ORC5: variants seen among roughly 807,000 people sequenced by gnomAD.
ORC5 encodes the protein origin recognition complex subunit 5, also known as protein phosphatase 1, regulatory subunit 117.
In ORC5, 39 loss-of-function variants were observed where a neutral mutation model predicts 58.8. That is an observed-to-expected ratio of 0.66 (90% CI 0.51 to 0.87). The LOEUF (loss-of-function observed/expected upper bound fraction) is 0.87, where lower values mean the gene tolerates loss of function less well. Among genes scored for constraint, ORC5 ranks in the 40% least tolerant of loss-of-function variants. ORC5 has a pLI of 0.00. For missense variants in ORC5, 493 were observed against 506.3 expected, an observed-to-expected ratio of 0.97 and a Z score of 0.25; for synonymous variants, 218 against 177.6, an observed-to-expected ratio of 1.23 and a Z score of -1.81.
rs192741001 is a variant in ORC5, at chr7:104,182,035, A to G, written c.824+1908T>C. ...CTGTTATTAGTTTGCAGTTTTATGCATTGTATTTGAGTTTTAATCAACCTG... is the reference window on the plus strand; with the variant it reads ...CTGTTATTAGTTTGCAGTTTTATGCGTTGTATTTGAGTTTTAATCAACCTG... On this transcript the variant is annotated intron_variant, in intron 8 of 13. Transcript: ENST00000297431. 8.7e-4 allele frequency among the ~76,000 whole-genome samples: 132 copies of G among 152,288 alleles called. 1 individual carries two copies. The highest frequency in any genetic ancestry group is 1.7e-3 in the Non-Finnish European group (117 of 68,008).
At chr7:104,203,638 T>G (rs989239326) in intron 2 of ORC5, among the ~76,000 whole-genome samples, 2 of 152,224 alleles carry the variant, frequency 1.3e-5, no homozygotes, top group Admixed American at 6.5e-5. Flanking sequence ...AAAAGGAACA[T>G]GAGTCTGCCA....
chr7:104,152,198 G>C (rs1798857417), intron 12 of ORC5, among the ~76,000 whole-genome samples: 1 of 152,042 alleles, frequency 6.6e-6, no homozygotes. Flanking sequence ...ACCCAGGCTG[G>C]AGTGCAGTGG....
At chr7:104,183,663 G>A (rs759977371) in intron 8 of ORC5, among the ~76,000 whole-genome samples, 1 of 152,240 alleles carries the variant, frequency 6.6e-6, no homozygotes, top group South Asian at 2.1e-4. Context: ...TCCCTGTCCA[G>A]CTCTGAACTG....
chr7:104,180,318 T>C lies in ORC5; in HGVS notation c.824+3625A>G, dbSNP rs1337282069. 2.1e-5 allele frequency among the ~76,000 whole-genome samples: 3 copies of C among 140,714 alleles called. 1 individual carries two copies. The East Asian group carries it at 6.0e-4, about 28-fold the overall frequency. The allele number at this position is 140,714 out of a possible 152,430, so 92.3% of individuals were successfully genotyped here. On this transcript the variant is annotated intron_variant, in intron 8 of 13. Coordinates refer to ENST00000297431, the MANE Select transcript of ORC5 (RefSeq NM_002553.4). ...TGGTAACTGTCCCAAGAAACAAATA[T>C]TTTGCATTTTATCAAGATAACTTTC... is the stretch of plus-strand genomic sequence containing the variant.
intron 12 of ORC5, among the ~76,000 whole-genome samples, chr7:104,142,076 A>T (rs191705358): frequency 1.5e-4 from 23 of 152,314 alleles, no homozygotes; most frequent in African/African-American, 5.5e-4. Flanking sequence ...AAGTCCAGAA[A>T]TAAAACCACA....
At position 104,138,138 on chromosome 7, in the gene ORC5, A is replaced by C. The variant is rs1178739937; in HGVS notation, c.1150-1245T>G. Reference sequence around the variant, plus strand: ...AGCCACTACCCCTGGAAGGGGGACAAGGGAACTTTTCCTGTTTCACTGGGA... The same window carrying C: ...AGCCACTACCCCTGGAAGGGGGACACGGGAACTTTTCCTGTTTCACTGGGA... On this transcript the variant is annotated intron_variant, in intron 12 of 13. Transcript: ENST00000297431. This position sits in a 1 kb window ranked among gnomAD's most constrained non-coding sequence, Gnocchi z 4.7. 6.6e-6 allele frequency among the ~76,000 whole-genome samples: 1 copy of C among 152,184 alleles called. No homozygotes were observed. The highest frequency in any genetic ancestry group is 2.4e-5 in the African/African-American group (1 of 41,444).
At chr7:104,142,421 C>G (rs576473270) in intron 12 of ORC5, among the ~76,000 whole-genome samples, 1 of 151,938 alleles carries the variant, frequency 6.6e-6, no homozygotes, top group East Asian at 1.9e-4. Context: ...AGCTTCTTCA[C>G]AGCAAAGGAA....
intron 13 of ORC5, among the ~76,000 whole-genome samples, chr7:104,135,204 AC>A (rs747555855): frequency 3.9e-5 from 6 of 152,222 alleles, no homozygotes; most frequent in Admixed American, 2.0e-4. Context: ...CCTGAAATGA[AC>A]AGGCTTCACT....
intron 6 of ORC5, 32 bp downstream of exon 6, chr7:104,188,209 CACACACACAT>C: frequency 7.2e-7 from 1 of 1,395,192 alleles, no homozygotes; most frequent in Non-Finnish European, 1.0e-6. Context: ...CACACACACA[CACACACACAT>C]ATATATATAT....
rs1027118125 is a variant in ORC5 at position 104,207,985 on chromosome 7, G to T, written c.-81C>A. 2.2e-6 allele frequency: 3 copies of T among 1,364,288 alleles called. No homozygotes were observed. The highest frequency in any genetic ancestry group is 1.5e-5 in the African/African-American group (1 of 68,820). 84.5% of individuals were successfully genotyped at this position (1,364,288 alleles called of 1,614,324 possible). Reference sequence around the variant, plus strand: ...AGACGGAGCCTCTCCCGAGTCTGGCGGCCCACGCTCCCGCCGGAAACCGGA... The same window carrying T: ...AGACGGAGCCTCTCCCGAGTCTGGCTGCCCACGCTCCCGCCGGAAACCGGA... On this transcript the variant is annotated 5_prime_UTR_variant, in exon 1 of 14. Transcript: ENST00000297431.
At chr7:104,171,226 A>C (rs1383699949) in intron 8 of ORC5, among the ~76,000 whole-genome samples, 1 of 152,196 alleles carries the variant, frequency 6.6e-6, no homozygotes, top group Non-Finnish European at 1.5e-5. Flanking sequence ...TTGGGTGTTA[A>C]GGGGGAAATG....
chr7:104,172,710 G>A (rs1405346962), intron 8 of ORC5, among the ~76,000 whole-genome samples: 1 of 152,096 alleles, frequency 6.6e-6, no homozygotes, highest in African/African-American at 2.4e-5. Context: ...ACTGTTAGAG[G>A]AGAAAGCCAA....
chr7:104,149,988 C>G (rs1798819240), intron 12 of ORC5, among the ~76,000 whole-genome samples: 1 of 152,088 alleles, frequency 6.6e-6, no homozygotes. Flanking sequence ...CCTTTGTTCT[C>G]ATCTGTGTAG....
chr7:104,197,664 C>G (rs59290626), intron 4 of ORC5, 61 bp downstream of exon 4: 1 of 1,141,128 alleles, frequency 8.8e-7, no homozygotes, highest in African/African-American at 1.6e-5. Context: ...AAATGAAAAA[C>G]TTTTACAACA....
chr7:104,151,252 G>C (rs1385540084), intron 12 of ORC5, among the ~76,000 whole-genome samples: 2 of 152,124 alleles, frequency 1.3e-5, no homozygotes, highest in Non-Finnish European at 2.9e-5. Context: ...TATTTTTCAA[G>C]ATTTATGCTG....
At position 104,138,187 on chromosome 7, in the gene ORC5, C is replaced by G. The variant is rs1798620415; in HGVS notation, c.1150-1294G>C. Among the ~76,000 whole-genome samples the G allele has an allele frequency of 6.6e-6, 1 of 152,208 alleles. No individual in the cohort carries two copies. Among genetic ancestry groups the G allele is most frequent in the Admixed American group, 6.5e-5 (1 of 15,290 alleles). On this transcript the variant is annotated intron_variant, in intron 12 of 13. Coordinates refer to ENST00000297431, the MANE Select transcript of ORC5 (RefSeq NM_002553.4). The surrounding 1 kb of genome is among the most constrained non-coding windows in gnomAD (Gnocchi z 4.7). Reference sequence around the variant, plus strand: ...GATTACTGGTGTGAGTCACTGCACTCAGCCCAACCAAGATTCCTAGCTCAA... The same window carrying G: ...GATTACTGGTGTGAGTCACTGCACTGAGCCCAACCAAGATTCCTAGCTCAA...
intron 5 of ORC5, among the ~76,000 whole-genome samples, chr7:104,190,013 T>C (rs1799638590): frequency 6.6e-6 from 1 of 152,126 alleles, no homozygotes; most frequent in African/African-American, 2.4e-5. Context: ...TGAATTGAAT[T>C]TTAGGACACC....
intron 3 of ORC5, 22 bp downstream of exon 3, chr7:104,200,736 C>G (rs779739031): frequency 7.3e-7 from 1 of 1,371,850 alleles, no homozygotes; most frequent in Non-Finnish European, 1.0e-6. Flanking sequence ...AAGAGATGAT[C>G]TAATCAAATG....
chr7:104,190,489 T>C (rs1246812770), intron 5 of ORC5, among the ~76,000 whole-genome samples: 3 of 152,190 alleles, frequency 2.0e-5, no homozygotes, highest in Admixed American at 1.3e-4. Flanking sequence ...ACTTCTATTA[T>C]ATCTCAGACT....
Sources: allele counts gnomAD v4.1 joint callset (sites outside exome capture counted in the v4.1 genomes callset), GRCh38; gene constraint gnomAD v4.1.1; non-coding constraint Gnocchi (gnomAD v3.1); transcripts MANE v1.5; gene names NCBI Gene and HGNC (gene_info 2026-07-23, HGNC 2026-07-21).